CABP5: variants seen among roughly 807,000 people sequenced by gnomAD.
The protein encoded by CABP5 is calcium binding protein 5.
A neutral mutation model predicts 21.9 loss-of-function variants in CABP5; 17 were observed. That is an observed-to-expected ratio of 0.78 (90% CI 0.53 to 1.17). The LOEUF (loss-of-function observed/expected upper bound fraction) is 1.17, where lower values mean the gene tolerates loss of function less well. Ranked by LOEUF, CABP5 falls within the 50% of genes most tolerant of loss-of-function variation. CABP5 has a pLI of 0.00. For synonymous variants in CABP5, 85 were observed against 79.4 expected (o/e 1.07, Z -0.37); for missense variants, 229 against 228.9 (o/e 1.00, Z 0.00).
intron 1 of CABP5, among the ~76,000 whole-genome samples, chr19:48,042,917 G>T (rs1209808117): frequency 6.6e-6 from 1 of 152,092 alleles, no homozygotes; most frequent in Non-Finnish European, 1.5e-5. Flanking sequence ...ACAATGAAAA[G>T]TATGCCCACA....
At chr19:48,036,921 T>G (rs2068422622) in intron 4 of CABP5, among the ~76,000 whole-genome samples, 2 of 152,218 alleles carry the variant, frequency 1.3e-5, no homozygotes, top group African/African-American at 4.8e-5. Context: ...GGATGGCTAC[T>G]GTTAAAAAGA....
At position 48,039,308 on chromosome 19, in the gene CABP5, C is replaced by T. The variant is rs765052835; in HGVS notation, c.248G>A (p.Arg83His). Residue 83 changes from arginine to histidine, a missense_variant, in exon 4 of 6, where the codon CGT (arginine) becomes CAT (histidine). Coordinates refer to ENST00000293255, the MANE Select transcript of CABP5 (RefSeq NM_019855.5). ...GQQIRMNLGG[R>H]VDFDDFVELM... ...CTCCACAAAGTCATCAAAGTCTACA[C>T]GGCCACCCACTGAGGAAGATGGCAC... 39 of 1,613,698 alleles carry T rather than the reference C, an allele frequency of 2.4e-5. No homozygotes were observed. Among genetic ancestry groups the T allele is most frequent in the East Asian group, 4.5e-5 (2 of 44,890 alleles).
At position 48,044,027 on chromosome 19, in the gene CABP5, A is replaced by C. The variant is rs1568415433; in HGVS notation, c.-105T>G. 1.5e-5 allele frequency: 14 copies of C among 938,424 alleles called. No homozygotes were observed. Among genetic ancestry groups the C allele is most frequent in the Admixed American group, 6.9e-5 (2 of 28,892 alleles). 58.1% of individuals were successfully genotyped at this position (938,424 alleles called of 1,614,324 possible). A position where few individuals can be genotyped will look rare whatever the true frequency, so the allele number is the denominator to read the frequency against. ...TTATCTTCTCCAGCACTCCTTTGCC[A>C]CCTCTTCCTGCCTCTCTTGGCTTCT... On this transcript the variant is annotated 5_prime_UTR_variant, in exon 1 of 6. Transcript: ENST00000293255.
chr19:48,034,424 G>GCT, intron 4 of CABP5, 62 bp from the exon 5 acceptor site: 1 of 1,315,344 alleles, frequency 7.6e-7, no homozygotes, highest in Non-Finnish European at 1.0e-6. Flanking sequence ...CGAGATGATG[G>GCT]AGTTTACCTA....
In CABP5 at chr19:48,036,414, G is replaced by A. The variant is rs150014498; in HGVS notation, c.349-2052C>T. Among the ~76,000 whole-genome samples the A allele has an allele frequency of 9.2e-5, 14 of 152,166 alleles. No homozygotes were observed. In the East Asian group the frequency reaches 2.7e-3, roughly 29 times the overall value. ...AATATTGCATTTAAATATATACCACGCAGAAGGAGAAATACTGCATGATTC... is the reference window on the plus strand; with the variant it reads ...AATATTGCATTTAAATATATACCACACAGAAGGAGAAATACTGCATGATTC... On this transcript the variant is annotated intron_variant, in intron 4 of 5. Coordinates refer to ENST00000293255, the MANE Select transcript of CABP5 (RefSeq NM_019855.5).
intron 4 of CABP5, among the ~76,000 whole-genome samples, chr19:48,037,460 G>A (rs1441523415): frequency 6.6e-6 from 1 of 151,456 alleles, no homozygotes; most frequent in East Asian, 1.9e-4. Flanking sequence ...TAGAGACGGG[G>A]TTTCTCCATG....
chr19:48,037,398 A>G (rs1000303327), intron 4 of CABP5, among the ~76,000 whole-genome samples: 1 of 148,554 alleles, frequency 6.7e-6, no homozygotes, highest in Admixed American at 6.9e-5. Context: ...CCTCCTGAGT[A>G]CTTGGGATTA....
chr19:48,031,492 G>T (rs1011220440), intron 5 of CABP5, among the ~76,000 whole-genome samples: 4 of 152,090 alleles, frequency 2.6e-5, no homozygotes, highest in South Asian at 2.1e-4. Context: ...GTGAGCCAAG[G>T]TTGCACCACT....
intron 5 of CABP5, 141 bp from the exon 6 acceptor site, chr19:48,030,723 A>G (rs1214057901): frequency 1.3e-6 from 1 of 781,070 alleles, no homozygotes; most frequent in African/African-American, 1.7e-5. Context: ...CCATTTCTCC[A>G]TCTATGAAAT....
At chr19:48,033,606 G>A (rs11880523) in intron 5 of CABP5, among the ~76,000 whole-genome samples, 46,801 of 151,918 alleles carry the variant, frequency 0.31, 8,047 homozygotes, top group Non-Finnish European at 0.39. Flanking sequence ...ATAACTAGGA[G>A]TTAGCCAGGG....
intron 4 of CABP5, among the ~76,000 whole-genome samples, chr19:48,037,503 G>T (rs1967427034): frequency 6.6e-6 from 1 of 151,690 alleles, no homozygotes; most frequent in East Asian, 1.9e-4. Flanking sequence ...CCCGACCTCA[G>T]GTGATCCACC....
At chr19:48,040,541 C>T in intron 3 of CABP5, 64 bp downstream of exon 3, 1 of 1,574,364 alleles carries the variant, frequency 6.4e-7, no homozygotes, top group Non-Finnish European at 8.7e-7. Context: ...ACCTCTACAT[C>T]CTTCCCAATT....
chr19:48,034,185 C>A (rs150273637), intron 5 of CABP5, 30 bp downstream of exon 5: 1 of 1,504,192 alleles, frequency 6.6e-7, no homozygotes, highest in African/African-American at 1.4e-5. Context: ...GTGGCTGCCC[C>A]CGCTCCCCAC....
At chr19:48,032,886 T>C (rs71355786) in intron 5 of CABP5, among the ~76,000 whole-genome samples, 46,058 of 151,638 alleles carry the variant, frequency 0.3, 7,900 homozygotes, top group Non-Finnish European at 0.38. Flanking sequence ...CAACCTTGGC[T>C]TCCCAAAGTG....
chr19:48,034,643 T>C (rs1967386404), intron 4 of CABP5, among the ~76,000 whole-genome samples: 1 of 151,618 alleles, frequency 6.6e-6, no homozygotes, highest in Non-Finnish European at 1.5e-5. Flanking sequence ...CCTCCTGGAT[T>C]CAAGCGATTC....
chr19:48,034,173 C>T (rs768536606), intron 5 of CABP5, 42 bp downstream of exon 5: 8 of 1,473,050 alleles, frequency 5.4e-6, no homozygotes, highest in Middle Eastern at 3.6e-4. Flanking sequence ...TGGATTCCTG[C>T]GGTGGCTGCC....
intron 3 of CABP5, 115 bp downstream of exon 3, chr19:48,040,490 A>G (rs1967465972): frequency 2.9e-6 from 3 of 1,019,960 alleles, no homozygotes; most frequent in South Asian, 1.7e-5. Context: ...CCAGACTTCT[A>G]GTCCCTCTCA....
At chr19:48,032,311 C>G (rs17586671) in intron 5 of CABP5, among the ~76,000 whole-genome samples, 46,109 of 150,146 alleles carry the variant, frequency 0.31, 7,898 homozygotes, top group Non-Finnish European at 0.39. Context: ...GATAGACTTG[C>G]ATATCAGACA....
In CABP5 at chr19:48,030,125, C is replaced by T. The variant is rs1967320442; in HGVS notation, c.*432G>A. ...CGGGAGAGAGAAACGGGATTTGCAA[C>T]AGTTGATGCAGGCAGGGGAAGAGTA... On this transcript the variant is annotated 3_prime_UTR_variant, in exon 6 of 6. Transcript: ENST00000293255. The T allele has an allele frequency of 6.0e-6, 1 of 167,184 alleles. No individual in the cohort carries two copies. The highest frequency in any genetic ancestry group is 1.3e-5 in the Non-Finnish European group (1 of 78,516). 10.4% of individuals were successfully genotyped at this position (167,184 alleles called of 1,614,324 possible). A position where few individuals can be genotyped will look rare whatever the true frequency, so the allele number is the denominator to read the frequency against.
Sources: allele counts gnomAD v4.1 joint callset (sites outside exome capture counted in the v4.1 genomes callset), GRCh38; gene constraint gnomAD v4.1.1; transcripts MANE v1.5; gene names NCBI Gene and HGNC (gene_info 2026-07-23, HGNC 2026-07-21).